UNC13B: variants seen among roughly 807,000 people sequenced by gnomAD.
UNC13B encodes the protein unc-13 homolog B.
A neutral mutation model predicts 211.0 loss-of-function variants in UNC13B; 144 were observed. The observed-to-expected ratio is 0.68, with a 90% CI of 0.60 to 0.78. The LOEUF is 0.78. Among genes scored for constraint, UNC13B ranks in the 30% least tolerant of loss-of-function variants. The pLI is 0.00. For missense variants in UNC13B, 1,777 were observed against 2,002.0 expected (o/e 0.89, Z 2.14); for synonymous variants, 709 against 725.8 (o/e 0.98, Z 0.37).
At chr9:35,284,681 AAG>A (rs1204832342) in intron 7 of UNC13B, among the ~76,000 whole-genome samples, 1 of 152,190 alleles carries the variant, frequency 6.6e-6, no homozygotes, top group African/African-American at 2.4e-5. Context: ...CTTCCGTAGA[AAG>A]AGAAGTTCTA....
At chr9:35,209,381 A>G (rs933116279) in intron 1 of UNC13B, among the ~76,000 whole-genome samples, 1 of 150,808 alleles carries the variant, frequency 6.6e-6, no homozygotes, top group Non-Finnish European at 1.5e-5. Context: ...CACTTTAGTT[A>G]TTATTATTAT....
At chr9:35,324,499 A>G (rs1830902655) in intron 11 of UNC13B, among the ~76,000 whole-genome samples, 1 of 152,230 alleles carries the variant, frequency 6.6e-6, no homozygotes, top group Admixed American at 6.5e-5. Context: ...TCCAAGGAAT[A>G]TACTTGAGAA....
chr9:35,318,105 T>C (rs1830558313), intron 11 of UNC13B, among the ~76,000 whole-genome samples: 1 of 152,140 alleles, frequency 6.6e-6, no homozygotes, highest in Non-Finnish European at 1.5e-5. Flanking sequence ...TTGCCAAAGC[T>C]TGGAATCATA....
chr9:35,290,751 T>TCTA (rs1399610577), intron 7 of UNC13B, among the ~76,000 whole-genome samples: 1 of 152,038 alleles, frequency 6.6e-6, no homozygotes, highest in East Asian at 2.0e-4. Flanking sequence ...GATGGTGTTC[T>TCTA]GAGAGAGACC....
chr9:35,309,077 T>C (rs1830059383), intron 9 of UNC13B, among the ~76,000 whole-genome samples: 1 of 152,206 alleles, frequency 6.6e-6, no homozygotes, highest in Non-Finnish European at 1.5e-5. Flanking sequence ...TGTCCTTTGC[T>C]GTAGTTCTTC....
At chr9:35,364,639 G>GTGTGTGTA in intron 11 of UNC13B, 1 of 1,437,750 alleles carries the variant, frequency 7.0e-7, no homozygotes, top group Non-Finnish European at 9.4e-7. Flanking sequence ...CACTGTATGT[G>GTGTGTGTA]TGTGTGTATG....
intron 15 of UNC13B, 95 bp from the exon 16 acceptor site, chr9:35,377,373 A>G: frequency 7.8e-7 from 1 of 1,289,108 alleles, no homozygotes; most frequent in Non-Finnish European, 1.1e-6. Flanking sequence ...CTGGCTGCAT[A>G]GTTTCTCCAC....
At chr9:35,214,608 G>T (rs1010853850) in intron 1 of UNC13B, among the ~76,000 whole-genome samples, 2 of 152,010 alleles carry the variant, frequency 1.3e-5, no homozygotes, top group Middle Eastern at 3.4e-3. Flanking sequence ...AAAGAGAGAG[G>T]CTGAGTGACA....
intron 36 of UNC13B, 80 bp downstream of exon 36, chr9:35,399,809 T>C: frequency 7.2e-7 from 1 of 1,390,894 alleles, no homozygotes; most frequent in African/African-American, 1.4e-5. Flanking sequence ...AGACCAGGTG[T>C]CCCTCCAATT....
chr9:35,297,965 G>A (rs1195565126), intron 8 of UNC13B, among the ~76,000 whole-genome samples: 1 of 152,154 alleles, frequency 6.6e-6, no homozygotes, highest in Non-Finnish European at 1.5e-5. Flanking sequence ...AATAATATCT[G>A]GAGTGATACC....
intron 6 of UNC13B, among the ~76,000 whole-genome samples, chr9:35,256,266 A>C (rs1826874505): frequency 6.6e-6 from 1 of 152,044 alleles, no homozygotes; most frequent in Non-Finnish European, 1.5e-5. Context: ...ATTGCATTAC[A>C]CTTAGTTGTC....
chr9:35,355,941 C>A (rs188021418), intron 11 of UNC13B, among the ~76,000 whole-genome samples: 44 of 152,336 alleles, frequency 2.9e-4, no homozygotes, highest in African/African-American at 1.0e-3. Flanking sequence ...AACTCTTCAG[C>A]TTGCAGAGTT....
intron 11 of UNC13B, chr9:35,361,625 G>C (rs1833417491): frequency 6.6e-6 from 1 of 152,188 alleles, no homozygotes; most frequent in Admixed American, 6.5e-5. Context: ...TGAAGAAGTA[G>C]TATAAAGTGA....
At chr9:35,351,513 C>T (rs1832718193) in intron 11 of UNC13B, 1 of 1,232,200 alleles carries the variant, frequency 8.1e-7, no homozygotes, top group African/African-American at 1.6e-5. Context: ...ACCCCTCAAA[C>T]CCTGAGGGAG....
intron 38 of UNC13B, 86 bp from the exon 39 acceptor site, chr9:35,403,352 CAG>C (rs1836455583): frequency 2.5e-6 from 4 of 1,602,034 alleles, no homozygotes; most frequent in Non-Finnish European, 3.4e-6. Flanking sequence ...CCCTCCAGCT[CAG>C]CCCTCCTCCA....
chr9:35,258,504 G>T (rs147584991), intron 6 of UNC13B, among the ~76,000 whole-genome samples: 1 of 152,144 alleles, frequency 6.6e-6, no homozygotes, highest in Non-Finnish European at 1.5e-5. Flanking sequence ...ACCAGATATT[G>T]CACCACATGC....
At chr9:35,297,561 T>TTTTTTTGTTTTTGTTTTTTTG (rs1554698742) in intron 8 of UNC13B, among the ~76,000 whole-genome samples, 34 of 128,158 alleles carry the variant, frequency 2.7e-4, no homozygotes, top group Non-Finnish European at 4.2e-4. Flanking sequence ...TTTTTTTTTT[T>TTTTTTTGTTTTTGTTTTTTTG]TTTTTTGAGA....
rs111997124 is a variant in UNC13B at position 35,302,659 on chromosome 9, G to T, written c.3255G>T (p.Val1085=). Residue 1085 remains valine (V), a synonymous_variant, in exon 9 of 40, where the codon GTG becomes GTT. Transcript: ENST00000635942. The stretch of plus-strand genomic sequence containing the variant: ...ATGGCTTAGCCATCCCTGGAGTTGT[G>T]CCCAAAGAACATATAACTTCAGATC... ...ERDGLAIPGV[V]PKEHITSDPL... The T allele has an allele frequency of 7.5e-3, 2,995 of 398,596 alleles. 61 individuals carry two copies. Among genetic ancestry groups the T allele is most frequent in the African/African-American group, 0.056 (2,737 of 48,690 alleles). 24.7% of individuals were successfully genotyped at this position (398,596 alleles called of 1,614,324 possible). A position where few individuals can be genotyped will look rare whatever the true frequency, so the allele number is the denominator to read the frequency against.
intron 1 of UNC13B, among the ~76,000 whole-genome samples, chr9:35,200,053 A>C (rs1289719228): frequency 3.3e-5 from 5 of 152,092 alleles, no homozygotes; most frequent in African/African-American, 1.2e-4. Flanking sequence ...TCAGCTTTCT[A>C]CATATGGCTA....
Sources: gnomAD v4.1 joint callset for allele counts (sites outside exome capture counted in the v4.1 genomes callset) on GRCh38, gnomAD v4.1.1 for gene constraint, MANE v1.5 for transcripts, NCBI Gene and HGNC (gene_info 2026-07-23, HGNC 2026-07-21) for gene names.